Variants in PKIB observed in about 807,000 individuals in gnomAD.
PKIB encodes the protein cAMP-dependent protein kinase inhibitor beta.
Under a neutral mutation model 4.5 loss-of-function variants are expected in PKIB, and 2 were observed. The ratio of observed to expected loss-of-function variants is 0.44; its 90% CI spans 0.18 to 1.39. The LOEUF (loss-of-function observed/expected upper bound fraction) is 1.39, where lower values mean the gene tolerates loss of function less well. Among genes scored for constraint, PKIB ranks in the 40% most tolerant of loss-of-function variants. PKIB has a pLI of 0.27. For synonymous variants in PKIB, 38 were observed against 36.0 expected, an observed-to-expected ratio of 1.06 and a Z score of -0.20; for missense variants, 94 against 92.6, an observed-to-expected ratio of 1.02 and a Z score of -0.06.
chr6:122,687,436 C>T (rs1346632608), intron 3 of PKIB, among the ~76,000 whole-genome samples: 1 of 152,044 alleles, frequency 6.6e-6, no homozygotes, highest in Admixed American at 6.6e-5. Flanking sequence ...CTTAGGATAG[C>T]TTTGGCTATT....
chr6:122,678,510 G>C (rs1400957378), intron 3 of PKIB, among the ~76,000 whole-genome samples: 1 of 151,806 alleles, frequency 6.6e-6, no homozygotes, highest in Non-Finnish European at 1.5e-5. Context: ...TTTCTGTTTT[G>C]TTTTGTTTTG....
intron 2 of PKIB, among the ~76,000 whole-genome samples, chr6:122,658,339 T>G (rs1776853837): frequency 6.6e-6 from 1 of 152,186 alleles, no homozygotes; most frequent in African/African-American, 2.4e-5. Flanking sequence ...TGAATCAGAT[T>G]TGATTTACAA....
intron 2 of PKIB, among the ~76,000 whole-genome samples, chr6:122,547,895 C>CT (rs1772552110): frequency 1.9e-5 from 1 of 51,766 alleles, no homozygotes; most frequent in Non-Finnish European, 4.6e-5. Flanking sequence ...TCCAAACTCA[C>CT]CGAAGTCACT....
At chr6:122,494,609 A>C (rs1776026533) in intron 2 of PKIB, among the ~76,000 whole-genome samples, 1 of 152,208 alleles carries the variant, frequency 6.6e-6, no homozygotes, top group Non-Finnish European at 1.5e-5. Context: ...AATTGCCTTT[A>C]AGTAAATCTT....
intron 2 of PKIB, among the ~76,000 whole-genome samples, chr6:122,528,350 C>T (rs9385256): frequency 6.6e-6 from 1 of 152,264 alleles, no homozygotes; most frequent in Middle Eastern, 3.4e-3. Flanking sequence ...CAGTCAATCT[C>T]TGTTCTTTGA....
chr6:122,613,793 G>A (rs554262346), intron 1 of PKIB, among the ~76,000 whole-genome samples: 69 of 151,720 alleles, frequency 4.5e-4, no homozygotes, highest in Non-Finnish European at 7.4e-4. Flanking sequence ...GTGAAACCCC[G>A]TCTCTCTAAA....
At chr6:122,652,509 C>T (rs976541815) in intron 2 of PKIB, among the ~76,000 whole-genome samples, 2 of 151,916 alleles carry the variant, frequency 1.3e-5, no homozygotes, top group African/African-American at 4.8e-5. Flanking sequence ...TGAGTCAAAC[C>T]CACCCAGATT....
chr6:122,580,594 C>T (rs769102956), intron 2 of PKIB, among the ~76,000 whole-genome samples: 86 of 152,144 alleles, frequency 5.7e-4, no homozygotes, highest in Non-Finnish European at 9.6e-4. Context: ...TGTAAAGCCT[C>T]CCTGAACACT....
At chr6:122,515,608 C>T (rs1469769987) in intron 2 of PKIB, among the ~76,000 whole-genome samples, 3 of 152,084 alleles carry the variant, frequency 2.0e-5, no homozygotes, top group Non-Finnish European at 4.4e-5. Context: ...TAGCAGGTAC[C>T]CCATGTACAT....
chr6:122,666,092 C>T (rs1777211596), intron 2 of PKIB, among the ~76,000 whole-genome samples: 1 of 152,126 alleles, frequency 6.6e-6, no homozygotes, highest in Non-Finnish European at 1.5e-5. Flanking sequence ...TGTTCTAGAG[C>T]CAGTCTGTCT....
chr6:122,552,738 C>A (rs1202926561), intron 2 of PKIB, among the ~76,000 whole-genome samples: 1 of 152,132 alleles, frequency 6.6e-6, no homozygotes, highest in Non-Finnish European at 1.5e-5. Flanking sequence ...AAATAGTTTT[C>A]TCTGCACCCT....
At chr6:122,561,946 G>A (rs929961045) in intron 2 of PKIB, among the ~76,000 whole-genome samples, 12 of 130,988 alleles carry the variant, frequency 9.2e-5, no homozygotes, top group African/African-American at 1.7e-4. Flanking sequence ...GTACCCTTGC[G>A]TTCATCATGC....
intron 1 of PKIB, among the ~76,000 whole-genome samples, chr6:122,613,959 CAAAAAAAAAAA>C (rs67112737): frequency 1.3e-5 from 1 of 77,406 alleles, no homozygotes; most frequent in African/African-American, 5.8e-5. Flanking sequence ...GAGACTCCAT[CAAAAAAAAAAA>C]AAAAAAAAAA....
chr6:122,708,189 A>G (rs1779137543), intron 3 of PKIB, among the ~76,000 whole-genome samples: 1 of 152,174 alleles, frequency 6.6e-6, no homozygotes, highest in South Asian at 2.1e-4. Context: ...AAGTGCTAAG[A>G]GAAAGTAAGA....
At chr6:122,638,931 C>A (rs942719383) in intron 2 of PKIB, among the ~76,000 whole-genome samples, 35 of 152,162 alleles carry the variant, frequency 2.3e-4, no homozygotes, top group Non-Finnish European at 4.0e-4. Context: ...AGCTCTAATA[C>A]CCTTGCTAAA....
intron 3 of PKIB, among the ~76,000 whole-genome samples, chr6:122,684,618 A>T (rs1014268803): frequency 6.6e-6 from 1 of 152,224 alleles, no homozygotes; most frequent in East Asian, 1.9e-4. Context: ...CATGAGCTTT[A>T]GACTGGATTT....
intron 2 of PKIB, among the ~76,000 whole-genome samples, chr6:122,515,399 G>T (rs529943934): frequency 5.6e-4 from 85 of 152,090 alleles, no homozygotes; most frequent in Non-Finnish European, 9.0e-4. Context: ...TTATAAAACA[G>T]AAGCTCATTT....
At chr6:122,516,414 G>GGTT (rs1399258126) in intron 2 of PKIB, among the ~76,000 whole-genome samples, 1 of 152,148 alleles carries the variant, frequency 6.6e-6, no homozygotes, top group Non-Finnish European at 1.5e-5. Context: ...CCTCTTTTAT[G>GGTT]GTTGTGATCA....
At chr6:122,647,133 G>A (rs918676537) in intron 2 of PKIB, among the ~76,000 whole-genome samples, 1 of 152,060 alleles carries the variant, frequency 6.6e-6, no homozygotes, top group Admixed American at 6.6e-5. Context: ...CCACACACTC[G>A]CAGAAGAGTA....
Sources: gnomAD v4.1 joint callset for allele counts (sites outside exome capture counted in the v4.1 genomes callset) on GRCh38, gnomAD v4.1.1 for gene constraint, MANE v1.5 for transcripts, NCBI Gene and HGNC (gene_info 2026-07-23, HGNC 2026-07-21) for gene names.